NCOA2: variants seen among roughly 807,000 people sequenced by gnomAD.
The protein encoded by NCOA2 is nuclear receptor coactivator 2, also known as class E basic helix-loop-helix protein 75.
NCOA2 carries 21 observed loss-of-function variants against 145.1 expected under a neutral mutation model. The observed-to-expected ratio is 0.14, with a 90% CI of 0.10 to 0.21. NCOA2 has a LOEUF of 0.21. Ranked by LOEUF, NCOA2 falls within the 10% of genes least tolerant of loss-of-function variation. NCOA2 has a pLI of 1.00. For synonymous variants in NCOA2, 619 were observed against 637.5 expected, an observed-to-expected ratio of 0.97 and a Z score of 0.44; for missense variants, 1,472 against 1,837.6, an observed-to-expected ratio of 0.80 and a Z score of 3.64.
chr8:70,387,453 C>T (rs912883428), intron 1 of NCOA2, among the ~76,000 whole-genome samples: 3 of 152,196 alleles, frequency 2.0e-5, no homozygotes, highest in East Asian at 1.9e-4. Context: ...TCACTTCATA[C>T]GTCTCAGAAA....
At chr8:70,330,098 T>C (rs560942778) in intron 1 of NCOA2, among the ~76,000 whole-genome samples, 1 of 152,272 alleles carries the variant, frequency 6.6e-6, no homozygotes, top group Non-Finnish European at 1.5e-5. Flanking sequence ...CTTACCTCCA[T>C]TAAGTTATTT....
the NCOA2 span, among the ~76,000 whole-genome samples, chr8:70,448,384 C>G: frequency 5.1e-4 from 77 of 152,118 alleles, no homozygotes; most frequent in Middle Eastern, 0.01. Context: ...ACACACATAC[C>G]ACAAGCAAAA....
intron 11 of NCOA2, among the ~76,000 whole-genome samples, chr8:70,155,383 T>C (rs1049714903): frequency 6.6e-6 from 1 of 152,178 alleles, no homozygotes; most frequent in Non-Finnish European, 1.5e-5. Flanking sequence ...GAAAGGTAAA[T>C]AAGAAATAAT....
intron 1 of NCOA2, among the ~76,000 whole-genome samples, chr8:70,349,964 G>C (rs569922881): frequency 3.9e-5 from 6 of 151,906 alleles, no homozygotes; most frequent in Non-Finnish European, 7.4e-5. Context: ...ATTCATCCAA[G>C]GTCCCATTTT....
chr8:70,436,657 A>T, the NCOA2 span, among the ~76,000 whole-genome samples: 1 of 152,234 alleles, frequency 6.6e-6, no homozygotes, highest in Non-Finnish European at 1.5e-5. Context: ...AGTTTTGATT[A>T]TGAAAAAGCA....
chr8:70,133,476 T>C (rs1242138628), intron 15 of NCOA2, among the ~76,000 whole-genome samples: 1 of 151,936 alleles, frequency 6.6e-6, no homozygotes, highest in Non-Finnish European at 1.5e-5. Context: ...CCTCCCACCT[T>C]GGCCTCCCAA....
At chr8:70,192,656 T>C (rs1816817797) in intron 4 of NCOA2, among the ~76,000 whole-genome samples, 1 of 152,190 alleles carries the variant, frequency 6.6e-6, no homozygotes, top group African/African-American at 2.4e-5. Flanking sequence ...GAACAGATCT[T>C]CCCAGGAAAT....
chr8:70,397,155 CT>C (rs1813743386), intron 1 of NCOA2, among the ~76,000 whole-genome samples: 1 of 152,028 alleles, frequency 6.6e-6, no homozygotes, highest in Non-Finnish European at 1.5e-5. Context: ...TAATACAGAC[CT>C]TTTAGTCAAG....
At chr8:70,155,921 C>G in intron 11 of NCOA2, 50 bp downstream of exon 11, 1 of 1,438,108 alleles carries the variant, frequency 7.0e-7, no homozygotes. Context: ...GGAGAAAATC[C>G]TTGATGGATA....
Position 70,292,466 on chromosome 8 carries a change from G to A in NCOA2, c.-20+4278C>T, listed in dbSNP as rs143873100. Among the ~76,000 whole-genome samples, 13 of 150,618 alleles carry A rather than the reference G, an allele frequency of 8.6e-5. No homozygotes were observed. The South Asian group carries it at 1.7e-3, about 19-fold the overall frequency. On this transcript the variant is annotated intron_variant, in intron 2 of 22. Transcript: ENST00000452400. ...CACCCAGCCCTGAGGCAGGAGAATC[G>A]CTTAAATCCAGGAGGCAGAGGCTGC...
intron 2 of NCOA2, among the ~76,000 whole-genome samples, chr8:70,269,605 A>G (rs559724829): frequency 6.6e-6 from 1 of 152,354 alleles, no homozygotes; most frequent in East Asian, 1.9e-4. Flanking sequence ...CACTAAGCTA[A>G]TAAATACAGG....
intron 1 of NCOA2, among the ~76,000 whole-genome samples, chr8:70,317,571 GAGTA>G (rs1422036496): frequency 6.6e-6 from 1 of 152,164 alleles, no homozygotes; most frequent in Admixed American, 6.5e-5. Context: ...TCTTTTATAT[GAGTA>G]AGTGTTAGGT....
intron 2 of NCOA2, among the ~76,000 whole-genome samples, chr8:70,264,768 A>G (rs1036282126): frequency 2.0e-5 from 3 of 152,158 alleles, no homozygotes; most frequent in African/African-American, 4.8e-5. Flanking sequence ...GATAAATTGT[A>G]TATGTTCACA....
intron 1 of NCOA2, among the ~76,000 whole-genome samples, chr8:70,320,580 G>A (rs1805963366): frequency 6.6e-6 from 1 of 152,030 alleles, no homozygotes; most frequent in East Asian, 1.9e-4. Flanking sequence ...GCTATAAGAA[G>A]GGTTGTAAAA....
chr8:70,244,412 G>A (rs944027885), intron 2 of NCOA2, among the ~76,000 whole-genome samples: 6 of 152,080 alleles, frequency 3.9e-5, no homozygotes, highest in Admixed American at 1.3e-4. Flanking sequence ...GACAAGTACA[G>A]TCTGAAGATT....
chr8:70,225,348 G>C (rs1443946421), intron 2 of NCOA2, among the ~76,000 whole-genome samples: 1 of 151,986 alleles, frequency 6.6e-6, no homozygotes, highest in Non-Finnish European at 1.5e-5. Flanking sequence ...AGACGTTCGA[G>C]ACCAACATGA....
At chr8:70,308,398 G>T (rs1206694799) in intron 1 of NCOA2, among the ~76,000 whole-genome samples, 2 of 152,044 alleles carry the variant, frequency 1.3e-5, no homozygotes, top group Non-Finnish European at 1.5e-5. Flanking sequence ...CATAATCTGG[G>T]TACTACTGGC....
At chr8:70,376,930 C>T (rs577257020) in intron 1 of NCOA2, among the ~76,000 whole-genome samples, 6 of 152,310 alleles carry the variant, frequency 3.9e-5, no homozygotes, top group African/African-American at 1.4e-4. Flanking sequence ...CTGTACTTGA[C>T]CCCTGGAGCA....
intron 13 of NCOA2, 132 bp from the exon 14 acceptor site, chr8:70,141,531 A>T (rs1046288015): frequency 7.1e-6 from 6 of 849,884 alleles, no homozygotes; most frequent in East Asian, 2.7e-5. Flanking sequence ...TAATGTTCTC[A>T]TTGGGCAGAT....
Sources: allele counts gnomAD v4.1 joint callset (sites outside exome capture counted in the v4.1 genomes callset), GRCh38; gene constraint gnomAD v4.1.1; transcripts MANE v1.5; gene names NCBI Gene and HGNC (gene_info 2026-07-23, HGNC 2026-07-21).